The following CFAP54 variants were observed in gnomAD, a reference collection of about 807,000 sequenced individuals.
The protein encoded by CFAP54 is cilia and flagella associated protein 54, also known as cilia- and flagella-associated protein 54.
CFAP54 carries 290 observed loss-of-function variants against 370.4 expected under a neutral mutation model. That is an observed-to-expected ratio of 0.78 (90% confidence interval 0.71 to 0.86). The LOEUF (loss-of-function observed/expected upper bound fraction) is 0.86. CFAP54 is among the 40% of genes least tolerant of loss of function. The probability of loss-of-function intolerance (pLI) is 0.00; values close to 1 mark genes in which losing one functional copy is unlikely to be tolerated. For missense variants in CFAP54, 3,399 were observed against 3,528.7 expected (o/e 0.96, Z 0.93); for synonymous variants, 1,206 against 1,236.5 (o/e 0.98, Z 0.52).
chr12:96,532,894 T>A (rs1054601976), intron 9 of CFAP54, among the ~76,000 whole-genome samples: 21 of 152,182 alleles, frequency 1.4e-4, no homozygotes, highest in Non-Finnish European at 2.4e-4. Context: ...GTGCTGGGAT[T>A]ACAAACATAA....
intron 44 of CFAP54, among the ~76,000 whole-genome samples, chr12:96,693,047 C>T (rs563595879): frequency 2.6e-5 from 4 of 152,288 alleles, no homozygotes; most frequent in South Asian, 2.1e-4. Context: ...TAAGCCTTCA[C>T]ATATATCCAT....
At chr12:96,549,696 T>G (rs12581229) in intron 15 of CFAP54, among the ~76,000 whole-genome samples, 6 of 152,252 alleles carry the variant, frequency 3.9e-5, no homozygotes, top group Non-Finnish European at 8.8e-5. Flanking sequence ...TCTGGAAAAT[T>G]ATAATAGTAC....
intron 60 of CFAP54, among the ~76,000 whole-genome samples, chr12:96,780,248 A>T (rs1958567937): frequency 6.6e-6 from 1 of 152,168 alleles, no homozygotes. Flanking sequence ...AGTTTTAGAA[A>T]TCTTTTCCTA....
chr12:96,740,991 A>G lies in CFAP54; in HGVS notation c.7071+930A>G, dbSNP rs146146009. On this transcript the variant is annotated intron_variant, in intron 51 of 67. Coordinates refer to ENST00000524981, the MANE Select transcript of CFAP54 (RefSeq NM_001306084.2). ...CTGAGGTTGAGAAACCCTGATTGAG[A>G]TTAATGTGACCTATCTTTTCATTAG... is the stretch of plus-strand genomic sequence containing the variant. Among the ~76,000 whole-genome samples, 34 of 152,302 alleles carry G rather than the reference A, an allele frequency of 2.2e-4. No homozygotes were observed. The East Asian group carries it at 4.1e-3, about 18-fold the overall frequency.
chr12:96,816,170 C>T lies in CFAP54; in HGVS notation c.8958-1605C>T, dbSNP rs934749838. ...ACTTTGGGCAGTATGGCCATTTTCA[C>T]GATATTGATTCTTCCTATCCATGAT... On this transcript the variant is annotated intron_variant, in intron 64 of 67. Coordinates refer to ENST00000524981, the MANE Select transcript of CFAP54 (RefSeq NM_001306084.2). 7.2e-5 allele frequency among the ~76,000 whole-genome samples: 11 copies of T among 152,228 alleles called. No homozygotes were observed. In the East Asian group the frequency reaches 7.7e-4, roughly 11 times the overall value.
chr12:96,722,270 G>C (rs1281805686), intron 50 of CFAP54, among the ~76,000 whole-genome samples: 2 of 152,164 alleles, frequency 1.3e-5, no homozygotes, highest in Non-Finnish European at 2.9e-5. Flanking sequence ...ATACCCTCTT[G>C]ACGTGTGTGT....
chr12:96,684,689 G>A lies in CFAP54; in HGVS notation c.5758G>A (p.Ala1920Thr), dbSNP rs1342955835. 3 of 1,613,262 alleles carry A rather than the reference G, an allele frequency of 1.9e-6. No homozygotes were observed. In the Admixed American group the frequency reaches 5.0e-5, roughly 27 times the overall value. The change falls in exon 41 of 68, where the codon GCG (alanine) becomes ACG (threonine). Residue 1920 changes from alanine (A) to threonine (T), a missense_variant. Physicochemically the swap from Ala to Thr is moderately conservative, Grantham distance 58. Coordinates refer to ENST00000524981, the MANE Select transcript of CFAP54 (RefSeq NM_001306084.2). ...CAATCAAAGAAGTCTTAAAGTTCAGGCGTTGCATTCACTTGGAAGTCTTCT... is the reference window on the plus strand; with the variant it reads ...CAATCAAAGAAGTCTTAAAGTTCAGACGTTGCATTCACTTGGAAGTCTTCT... ...ASNQRSLKVQ[A>T]LHSLGSLLIF...
chr12:96,633,181 T>C (rs1436829773), intron 32 of CFAP54, among the ~76,000 whole-genome samples: 3 of 152,216 alleles, frequency 2.0e-5, no homozygotes, highest in African/African-American at 7.2e-5. Context: ...CTCCAGCCTC[T>C]TCTTTCCTTT....
chr12:96,860,329 A>T (rs1959847222), intron 66 of CFAP54, among the ~76,000 whole-genome samples: 1 of 152,098 alleles, frequency 6.6e-6, no homozygotes, highest in Non-Finnish European at 1.5e-5. Flanking sequence ...TGACCACAAA[A>T]GCCGTCTTTA....
intron 32 of CFAP54, among the ~76,000 whole-genome samples, chr12:96,641,936 T>TGGGGGGG (rs758561828): frequency 7.0e-5 from 6 of 85,866 alleles, no homozygotes; most frequent in Non-Finnish European, 1.2e-4. Flanking sequence ...TGTGGGGTGG[T>TGGGGGGG]GCGGGGGGGG....
chr12:96,675,242 A>T (rs1359302176), intron 39 of CFAP54, among the ~76,000 whole-genome samples: 4 of 152,296 alleles, frequency 2.6e-5, no homozygotes, highest in Middle Eastern at 3.4e-3. Context: ...AATTTACAAG[A>T]AAAAAACAAA....
At chr12:96,690,545 A>G (rs978797532) in intron 43 of CFAP54, among the ~76,000 whole-genome samples, 4 of 152,228 alleles carry the variant, frequency 2.6e-5, no homozygotes, top group Non-Finnish European at 5.9e-5. Context: ...TTAAGCAGGT[A>G]AAAGTTTGGA....
chr12:96,618,483 G>A (rs556281458), intron 26 of CFAP54, among the ~76,000 whole-genome samples: 3 of 152,268 alleles, frequency 2.0e-5, no homozygotes, highest in Admixed American at 1.3e-4. Context: ...AGTTACAGAC[G>A]TGTGATGATA....
rs188265732 is a variant in CFAP54 at position 96,518,697 on chromosome 12, A to C, written c.799-231A>C. The stretch of plus-strand genomic sequence containing the variant: ...CAAGACTCTGTCTAAAAACAAATAA[A>C]CAAACAAAAAAGACATTTTAGGATG... On this transcript the variant is annotated intron_variant, in intron 5 of 67. Coordinates refer to ENST00000524981, the MANE Select transcript of CFAP54 (RefSeq NM_001306084.2). Among the ~76,000 whole-genome samples the C allele has an allele frequency of 1.3e-3, 201 of 152,282 alleles. 2 individuals carry two copies. Among genetic ancestry groups the C allele is most frequent in the Middle Eastern group, 6.8e-3 (2 of 294 alleles).
chr12:96,852,826 A>G (rs918892304), intron 66 of CFAP54, among the ~76,000 whole-genome samples: 6 of 152,126 alleles, frequency 3.9e-5, no homozygotes, highest in African/African-American at 1.4e-4. Flanking sequence ...AAATTGGACC[A>G]AAGACCTGTA....
At chr12:96,645,465 G>A (rs1390750253) in intron 33 of CFAP54, 1 of 180,164 alleles carries the variant, frequency 5.6e-6, no homozygotes, top group Non-Finnish European at 1.2e-5. Flanking sequence ...CAAACCAGTG[G>A]AAGAACATTC....
chr12:96,837,993 G>A (rs1320036886), intron 66 of CFAP54, among the ~76,000 whole-genome samples: 2 of 152,182 alleles, frequency 1.3e-5, no homozygotes, highest in Non-Finnish European at 2.9e-5. Context: ...TTTTAGAAGG[G>A]TTCACTAGTT....
chr12:96,569,998 A>G (rs1308938057), intron 19 of CFAP54, among the ~76,000 whole-genome samples: 1 of 151,990 alleles, frequency 6.6e-6, no homozygotes, highest in African/African-American at 2.4e-5. Context: ...TTTATTTATG[A>G]GACAGGGTCT....
In CFAP54 at chr12:96,594,460, T is replaced by C; in HGVS notation, c.3516+14T>C. ...CCTGTTGTACAGGTAAGGGTATTCC[T>C]CTCCCCAAGAGAAGGGAATCTTTAT... On this transcript the variant is annotated intron_variant, in intron 25 of 67. Transcript: ENST00000524981. The C allele has an allele frequency of 1.4e-6, 2 of 1,466,312 alleles. No individual in the cohort carries two copies. The highest frequency in any genetic ancestry group is 1.4e-5 in the South Asian group (1 of 72,542). 90.8% of individuals were successfully genotyped at this position (1,466,312 alleles called of 1,614,324 possible).
Sources: allele counts gnomAD v4.1 joint callset (sites outside exome capture counted in the v4.1 genomes callset), GRCh38; gene constraint gnomAD v4.1.1; transcripts MANE v1.5; gene names NCBI Gene and HGNC (gene_info 2026-07-23, HGNC 2026-07-21).